HS3ST5: variants seen among roughly 807,000 people sequenced by gnomAD.
HS3ST5 encodes the protein heparan sulfate glucosamine 3-O-sulfotransferase 5.
HS3ST5 carries 10 observed loss-of-function variants against 25.4 expected under a neutral mutation model. The ratio of observed to expected loss-of-function variants is 0.39; its 90% CI spans 0.24 to 0.67. The LOEUF (loss-of-function observed/expected upper bound fraction) is 0.67. HS3ST5 is among the 30% of genes least tolerant of loss of function. The pLI is 0.44. For missense variants in HS3ST5, 324 were observed against 420.7 expected (o/e 0.77, Z 2.01); for synonymous variants, 170 against 162.4 (o/e 1.05, Z -0.36).
chr6:114,315,446 A>G (rs1775708882), intron 1 of HS3ST5, among the ~76,000 whole-genome samples: 3 of 152,228 alleles, frequency 2.0e-5, no homozygotes, highest in Non-Finnish European at 4.4e-5. Context: ...GTATTTTAAT[A>G]AAATAGAAAA....
intron 3 of HS3ST5, among the ~76,000 whole-genome samples, chr6:114,150,428 C>T (rs1299439950): frequency 1.3e-5 from 2 of 152,188 alleles, no homozygotes; most frequent in South Asian, 4.1e-4. Flanking sequence ...CGTATAGAGG[C>T]CCAGCTGCCC....
chr6:114,113,722 A>G (rs937219374), intron 3 of HS3ST5, among the ~76,000 whole-genome samples: 1 of 152,048 alleles, frequency 6.6e-6, no homozygotes, highest in Non-Finnish European at 1.5e-5. Flanking sequence ...AATGCCTGGC[A>G]TATAGTGTTT....
At chr6:114,188,530 C>T (rs976334835) in intron 2 of HS3ST5, among the ~76,000 whole-genome samples, 1 of 152,084 alleles carries the variant, frequency 6.6e-6, no homozygotes, top group African/African-American at 2.4e-5. Flanking sequence ...AACAGGAGCT[C>T]CCTGTCTCCT....
chr6:114,256,839 T>G (rs996200134), intron 1 of HS3ST5, among the ~76,000 whole-genome samples: 3 of 152,202 alleles, frequency 2.0e-5, no homozygotes, highest in Non-Finnish European at 4.4e-5. Context: ...ACCAATTTAC[T>G]GTATTAATCT....
At chr6:114,266,148 A>G (rs571708196) in intron 1 of HS3ST5, among the ~76,000 whole-genome samples, 3 of 152,188 alleles carry the variant, frequency 2.0e-5, no homozygotes, top group Non-Finnish European at 4.4e-5. Flanking sequence ...GATACTGTCA[A>G]CTACCGATGC....
intron 1 of HS3ST5, among the ~76,000 whole-genome samples, chr6:114,309,665 G>GGAGGTTGCAGTGAGCC (rs1399326204): frequency 6.6e-6 from 1 of 152,134 alleles, no homozygotes; most frequent in Non-Finnish European, 1.5e-5. Flanking sequence ...CCCAGAAGGC[G>GGAGGTTGCAGTGAGCC]GAGGTTGCAG....
chr6:114,306,256 T>TATATATATATATGTAC (rs756494412), intron 1 of HS3ST5, among the ~76,000 whole-genome samples: 168 of 115,388 alleles, frequency 1.5e-3, no homozygotes, highest in African/African-American at 4.3e-3. Flanking sequence ...TATATATATA[T>TATATATATATATGTAC]ACACACACAC....
chr6:114,091,897 A>G (rs1775140085), intron 3 of HS3ST5, among the ~76,000 whole-genome samples: 1 of 152,212 alleles, frequency 6.6e-6, no homozygotes. Flanking sequence ...GTTTTCTGGT[A>G]GAGACTTGCA....
intron 3 of HS3ST5, among the ~76,000 whole-genome samples, chr6:114,093,741 C>CA (rs997799716): frequency 8.0e-5 from 12 of 150,794 alleles, no homozygotes; most frequent in African/African-American, 2.2e-4. Context: ...TCTGAGCAGA[C>CA]AAAAAAAACG....
chr6:114,112,813 G>A (rs1038736436), intron 3 of HS3ST5, among the ~76,000 whole-genome samples: 2 of 151,966 alleles, frequency 1.3e-5, no homozygotes, highest in Non-Finnish European at 2.9e-5. Context: ...TTACTTTACC[G>A]AAAAAACAAT....
intron 2 of HS3ST5, among the ~76,000 whole-genome samples, chr6:114,213,242 TTCTCCTCTCCTCTCCTTTCC>T (rs1157318541): frequency 2.6e-5 from 4 of 151,008 alleles, no homozygotes; most frequent in Admixed American, 6.6e-5. Flanking sequence ...GCTGCTTCTC[TTCTCCTCTCCTCTCCTTTCC>T]TCTCCTCTCC....
chr6:114,289,616 T>A (rs758210103), intron 1 of HS3ST5, among the ~76,000 whole-genome samples: 6 of 152,116 alleles, frequency 3.9e-5, no homozygotes, highest in Non-Finnish European at 8.8e-5. Flanking sequence ...CTTCAGTCAA[T>A]CATAACTTGT....
intron 3 of HS3ST5, among the ~76,000 whole-genome samples, chr6:114,067,262 A>G (rs1157989): frequency 0.14 from 21,552 of 152,204 alleles, 1,554 homozygotes; most frequent in Middle Eastern, 0.21. Context: ...AAATAATTAC[A>G]GGACCAAAGG....
chr6:114,185,738 TTTC>T (rs1780187341), intron 2 of HS3ST5, among the ~76,000 whole-genome samples: 1 of 151,336 alleles, frequency 6.6e-6, no homozygotes. Flanking sequence ...TTTTTCTTTC[TTTC>T]TTTTTTTTTT....
intron 4 of HS3ST5, among the ~76,000 whole-genome samples, chr6:114,060,960 C>A (rs1004931110): frequency 6.6e-6 from 1 of 152,116 alleles, no homozygotes; most frequent in Non-Finnish European, 1.5e-5. Flanking sequence ...GTAGAAGTAA[C>A]CTCTGTCTCC....
chr6:114,291,425 G>A (rs1049018798), intron 1 of HS3ST5, among the ~76,000 whole-genome samples: 5 of 151,914 alleles, frequency 3.3e-5, no homozygotes, highest in Non-Finnish European at 5.9e-5. Flanking sequence ...AGGGAAGAAA[G>A]TCAAGTCAGT....
intron 3 of HS3ST5, among the ~76,000 whole-genome samples, chr6:114,135,932 C>T (rs940308323): frequency 6.6e-6 from 1 of 152,204 alleles, no homozygotes; most frequent in Non-Finnish European, 1.5e-5. Context: ...CTCCATATCA[C>T]TCATGGTCAT....
chr6:114,087,562 T>C (rs1034238742), intron 3 of HS3ST5, among the ~76,000 whole-genome samples: 2 of 152,230 alleles, frequency 1.3e-5, no homozygotes, highest in African/African-American at 4.8e-5. Context: ...TCCTTGTTTG[T>C]GGAATTGAGT....
At chr6:114,335,307 C>CA (rs60574979) in intron 1 of HS3ST5, among the ~76,000 whole-genome samples, 3,129 of 128,484 alleles carry the variant, frequency 0.024, 48 homozygotes, top group African/African-American at 0.049. Flanking sequence ...AAATGAGTGG[C>CA]AAAAAAAAAA....
Sources: gnomAD v4.1 joint callset for allele counts (sites outside exome capture counted in the v4.1 genomes callset) on GRCh38, gnomAD v4.1.1 for gene constraint, MANE v1.5 for transcripts, NCBI Gene and HGNC (gene_info 2026-07-23, HGNC 2026-07-21) for gene names.